SDK2: variants seen among roughly 807,000 people sequenced by gnomAD.
SDK2 encodes the protein sidekick cell adhesion molecule 2.
SDK2 carries 105 observed loss-of-function variants against 253.9 expected under a neutral mutation model. The observed-to-expected ratio is 0.41, with a 90% CI of 0.35 to 0.49. The LOEUF is 0.49. Among genes scored for constraint, SDK2 ranks in the 20% least tolerant of loss-of-function variants. The pLI, the probability that SDK2 is intolerant of heterozygous loss-of-function variation, is 0.06. For missense variants in SDK2, 2,608 were observed against 3,003.0 expected (o/e 0.87, Z 3.07); for synonymous variants, 1,249 against 1,234.9 (o/e 1.01, Z -0.24).
At chr17:73,577,226 G>A (rs2045469642) in intron 1 of SDK2, among the ~76,000 whole-genome samples, 1 of 152,152 alleles carries the variant, frequency 6.6e-6, no homozygotes, top group Admixed American at 6.5e-5. Flanking sequence ...TGTTAGCCGA[G>A]GTTTAGGAAC....
intron 18 of SDK2, among the ~76,000 whole-genome samples, chr17:73,403,041 C>T (rs977252123): frequency 7.9e-5 from 12 of 152,058 alleles, no homozygotes; most frequent in South Asian, 2.1e-4. Context: ...TCAAGTGATC[C>T]GCCCGCCTCG....
At position 73,386,470 on chromosome 17, in the gene SDK2, C is replaced by G; in HGVS notation, c.4473G>C (p.Ser1491=). 1 of 1,559,842 alleles carries G rather than the reference C, an allele frequency of 6.4e-7. No individual in the cohort carries two copies. Among genetic ancestry groups the G allele is most frequent in the Non-Finnish European group, 8.7e-7 (1 of 1,151,696 alleles). ...DIGDSEFSEE[S]ESLTTLQAAP... ...CAGCCTGCAGGGTGGTCAGTGACTC[C>G]GACTCCTCGCTGAACTCGCTGTCGC... Residue 1491 remains serine, a synonymous_variant, in exon 31 of 45, where the codon TCG becomes TCC. Coordinates refer to ENST00000392650, the MANE Select transcript of SDK2 (RefSeq NM_001144952.2).
chr17:73,397,537 C>T (rs1002488049), intron 24 of SDK2, among the ~76,000 whole-genome samples: 3 of 152,186 alleles, frequency 2.0e-5, no homozygotes, highest in Admixed American at 6.5e-5. Context: ...GTCAGAACAG[C>T]GCCTGGTAGG....
rs370231780 is a variant in SDK2 at position 73,431,147 on chromosome 17, G to A, written c.1480+355C>T. On this transcript the variant is annotated intron_variant, in intron 11 of 44. Coordinates refer to ENST00000392650, the MANE Select transcript of SDK2 (RefSeq NM_001144952.2). The surrounding 1 kb of genome is among the most constrained non-coding windows in gnomAD (Gnocchi z 5.6). ...AGATAAAACGGAAGCTAGTTGAGTCGTTGTGACAGAGACCGTCTGGCCCAC... is the reference window on the plus strand; with the variant it reads ...AGATAAAACGGAAGCTAGTTGAGTCATTGTGACAGAGACCGTCTGGCCCAC... Among the ~76,000 whole-genome samples the A allele has an allele frequency of 6.6e-5, 10 of 152,208 alleles. 1 individual carries two copies. Among genetic ancestry groups the A allele is most frequent in the South Asian group, 4.1e-4 (2 of 4,828 alleles).
In SDK2 at chr17:73,467,593, G is replaced by C. The variant is rs2063611219; in HGVS notation, c.331+4519C>G. ...ATTCTTCAGCTTCTACAGCTAGAGAGGGAGGCCCCCTGGGATGAGGCCAGT... is the reference window on the plus strand; with the variant it reads ...ATTCTTCAGCTTCTACAGCTAGAGACGGAGGCCCCCTGGGATGAGGCCAGT... On this transcript the variant is annotated intron_variant, in intron 3 of 44. Coordinates refer to ENST00000392650, the MANE Select transcript of SDK2 (RefSeq NM_001144952.2). The surrounding 1 kb of genome is among the most constrained non-coding windows in gnomAD (Gnocchi z 4.1). Among the ~76,000 whole-genome samples the C allele has an allele frequency of 6.6e-6, 1 of 152,168 alleles. No individual in the cohort carries two copies. Among genetic ancestry groups the C allele is most frequent in the Admixed American group, 6.5e-5 (1 of 15,278 alleles).
Position 73,415,970 on chromosome 17 carries a change from C to T in SDK2, c.2209G>A (p.Val737Met), listed in dbSNP as rs745999186. ...IIRYCLAGLP[V>M]GYQFKNITDA... ...GTGATGTTCTTAAACTGGTACCCCA[C>T]GGGCAGCCCGGCCAGGCAGTACCTG... The change falls in exon 17 of 45, where the codon GTG (valine) becomes ATG (methionine). Residue 737 changes from valine (V) to methionine (M), a missense_variant. Around this residue, in one of 2 missense-constraint regions of SDK2, gnomAD observed 1,505 missense variants for 1,859.1 expected, o/e 0.81. Transcript: ENST00000392650. 3.3e-5 allele frequency: 53 copies of T among 1,610,872 alleles called. No homozygotes were observed. Among genetic ancestry groups the T allele is most frequent in the Non-Finnish European group, 4.1e-5 (48 of 1,178,832 alleles).
At position 73,620,271 on chromosome 17, in the gene SDK2, CA is replaced by C. The variant is rs2046117100; in HGVS notation, c.64+23753del. Among the ~76,000 whole-genome samples, 7 of 151,690 alleles carry C rather than the reference CA, an allele frequency of 4.6e-5. No individual in the cohort carries two copies. The South Asian group carries it at 1.5e-3, about 32-fold the overall frequency. On this transcript the variant is annotated intron_variant, in intron 1 of 44. Transcript: ENST00000392650. ...AAGATATACAAACGGCCAACAAGCACATGAAAAGATGGTCAGCACCATTAGT... is the reference window on the plus strand; with the variant it reads ...AAGATATACAAACGGCCAACAAGCACTGAAAAGATGGTCAGCACCATTAGT...
intron 40 of SDK2, 65 bp downstream of exon 40, chr17:73,358,014 G>A: frequency 6.2e-7 from 1 of 1,606,992 alleles, no homozygotes; most frequent in Non-Finnish European, 8.5e-7. Flanking sequence ...TGCCCCAAGT[G>A]GAGGGACCCA....
chr17:73,524,062 C>T (rs750455465), intron 1 of SDK2, among the ~76,000 whole-genome samples: 2 of 152,208 alleles, frequency 1.3e-5, no homozygotes, highest in Non-Finnish European at 2.9e-5. Context: ...CCTGCCCCTG[C>T]ATCCCTCTGA....
chr17:73,431,915 G>A lies in SDK2; in HGVS notation c.1313-246C>T, dbSNP rs1038954818. On this transcript the variant is annotated intron_variant, in intron 10 of 44. Coordinates refer to ENST00000392650, the MANE Select transcript of SDK2 (RefSeq NM_001144952.2). This position sits in a 1 kb window ranked among gnomAD's most constrained non-coding sequence, Gnocchi z 5.6. ...CAGCCTAGAGCCCAGGTCCCCTGAT[G>A]CTCCTGTGCCCGCCACACCACGTGC... Among the ~76,000 whole-genome samples the A allele has an allele frequency of 1.3e-5, 2 of 152,142 alleles. No homozygotes were observed. Among genetic ancestry groups the A allele is most frequent in the Non-Finnish European group, 2.9e-5 (2 of 68,006 alleles).
chr17:73,643,728 C>A lies in SDK2; in HGVS notation c.64+297G>T, dbSNP rs2046426956. Among the ~76,000 whole-genome samples, 1 of 152,090 alleles carries A rather than the reference C, an allele frequency of 6.6e-6. No homozygotes were observed. The highest frequency in any genetic ancestry group is 1.5e-5 in the Non-Finnish European group (1 of 67,970). The stretch of plus-strand genomic sequence containing the variant: ...CCCTCCCAAGCCGGCGCAGGGCAGC[C>A]ACAGCAGACGGGGGGAGGGGAGCGC... On this transcript the variant is annotated intron_variant, in intron 1 of 44. Coordinates refer to ENST00000392650, the MANE Select transcript of SDK2 (RefSeq NM_001144952.2). The surrounding 1 kb of genome is among the most constrained non-coding windows in gnomAD (Gnocchi z 6.9).
intron 44 of SDK2, among the ~76,000 whole-genome samples, chr17:73,344,863 G>A (rs2062469183): frequency 6.6e-6 from 1 of 152,204 alleles, no homozygotes; most frequent in East Asian, 1.9e-4. Context: ...GCTCCAGCCA[G>A]CTGCAAACCT....
At chr17:73,487,793 C>T (rs148501740) in intron 2 of SDK2, among the ~76,000 whole-genome samples, 3,456 of 152,288 alleles carry the variant, frequency 0.023, 65 homozygotes, top group South Asian at 0.054. Context: ...GCTGCCTCAT[C>T]GGTCCTCAGG....
intron 1 of SDK2, among the ~76,000 whole-genome samples, chr17:73,586,989 T>C (rs558770589): frequency 6.6e-6 from 1 of 152,234 alleles, no homozygotes; most frequent in Non-Finnish European, 1.5e-5. Flanking sequence ...GGAAAGAGAA[T>C]GCCTCTTGCA....
Position 73,435,577 on chromosome 17 carries a change from G to A in SDK2, c.1068C>T (p.Arg356=). The change falls in exon 9 of 45, where the codon CGC becomes CGT. Residue 356 remains arginine (R), a synonymous_variant. Coordinates refer to ENST00000392650, the MANE Select transcript of SDK2 (RefSeq NM_001144952.2). The surrounding 1 kb of genome is among the most constrained non-coding windows in gnomAD (Gnocchi z 5.7). The part of the protein sequence containing the change: ...AAVVEVEKLT[R]FRQRNDGGLQ... ...GGCCCCCGTCGTTGCGCTGCCGGAA[G>A]CGGGTCAACTTCTCCACCTCCACCA... 1 of 1,583,180 alleles carries A rather than the reference G, an allele frequency of 6.3e-7. No individual in the cohort carries two copies. The highest frequency in any genetic ancestry group is 8.6e-7 in the Non-Finnish European group (1 of 1,164,692).
Position 73,478,806 on chromosome 17 carries a change from T to G in SDK2, c.225-6588A>C, listed in dbSNP as rs150591875. On this transcript the variant is annotated intron_variant, in intron 2 of 44. Transcript: ENST00000392650. ...ATTCCACGAAGCTGTCAGGAGCTGATGCGGACACCAGAAATAATAGGCACA... is the reference window on the plus strand; with the variant it reads ...ATTCCACGAAGCTGTCAGGAGCTGAGGCGGACACCAGAAATAATAGGCACA... Among the ~76,000 whole-genome samples the G allele has an allele frequency of 2.6e-3, 393 of 152,354 alleles. 1 individual carries two copies. The highest frequency in any genetic ancestry group is 8.9e-3 in the African/African-American group (370 of 41,590).
intron 1 of SDK2, among the ~76,000 whole-genome samples, chr17:73,532,721 G>C (rs2145806055): frequency 6.6e-6 from 1 of 152,252 alleles, no homozygotes; most frequent in South Asian, 2.1e-4. Context: ...AAACGGGGGG[G>C]CTGGAGGCTC....
rs1393313526 is a variant in SDK2, at chr17:73,483,615, GTATATATATGTATATGTATATATATA to G, written c.225-11423_225-11398del. On this transcript the variant is annotated intron_variant, in intron 2 of 44. Transcript: ENST00000392650. ...TATATATATGTATGTGTATATATATGTATATATATGTATATGTATATATATATGTGTGTGTGTGTGTGTGTGTATAT... is the reference window on the plus strand; with the variant it reads ...TATATATATGTATGTGTATATATATGTGTGTGTGTGTGTGTGTGTGTATAT... Among the ~76,000 whole-genome samples the G allele has an allele frequency of 4.9e-5, 6 of 123,484 alleles. No individual in the cohort carries two copies. In the South Asian group the frequency reaches 1.3e-3, roughly 26 times the overall value. 81.0% of individuals were successfully genotyped at this position (123,484 alleles called of 152,430 possible). A position where few individuals can be genotyped will look rare whatever the true frequency, so the allele number is the denominator to read the frequency against.
At position 73,609,333 on chromosome 17, in the gene SDK2, C is replaced by T. The variant is rs76471331; in HGVS notation, c.64+34692G>A. 6.6e-3 allele frequency among the ~76,000 whole-genome samples: 1,012 copies of T among 152,246 alleles called. 13 individuals are homozygous for T. Among genetic ancestry groups the T allele is most frequent in the African/African-American group, 0.023 (974 of 41,524 alleles). The stretch of plus-strand genomic sequence containing the variant: ...AGAGAGCCCAGAACTGAGTCCAGAA[C>T]GCCCTGACATCAGAGGCTGGACCAG... On this transcript the variant is annotated intron_variant, in intron 1 of 44. Coordinates refer to ENST00000392650, the MANE Select transcript of SDK2 (RefSeq NM_001144952.2). This position sits in a 1 kb window ranked among gnomAD's most constrained non-coding sequence, Gnocchi z 4.4.
Sources: allele counts gnomAD v4.1 joint callset (sites outside exome capture counted in the v4.1 genomes callset), GRCh38; gene constraint gnomAD v4.1.1; regional missense constraint gnomAD v4.1.1; non-coding constraint Gnocchi (gnomAD v3.1); transcripts MANE v1.5; gene names NCBI Gene and HGNC (gene_info 2026-07-23, HGNC 2026-07-21).